STAT6: variants seen among roughly 807,000 people sequenced by gnomAD.
The protein encoded by STAT6 is STAT, interleukin4-induced.
STAT6 carries 45 observed loss-of-function variants against 106.3 expected under a neutral mutation model. The observed-to-expected ratio is 0.42, with a 90% CI of 0.33 to 0.54. The LOEUF (loss-of-function observed/expected upper bound fraction) is 0.54, where lower values mean the gene tolerates loss of function less well. STAT6 is among the 20% of genes least tolerant of loss of function. The pLI is 0.06. For synonymous variants in STAT6, 413 were observed against 413.6 expected, an observed-to-expected ratio of 1.00 and a Z score of 0.02; for missense variants, 797 against 1,062.2, an observed-to-expected ratio of 0.75 and a Z score of 3.47.
chr12:57,097,972 G>T (rs1040340187), intron 19 of STAT6, among the ~76,000 whole-genome samples: 2 of 152,078 alleles, frequency 1.3e-5, no homozygotes, highest in Admixed American at 6.6e-5. Context: ...ATACTATTCA[G>T]AACAGTATCA....
At chr12:57,106,895 C>T (rs2034316537) in intron 4 of STAT6, 64 bp from the exon 5 acceptor site, 2 of 1,600,080 alleles carry the variant, frequency 1.2e-6, no homozygotes, top group Non-Finnish European at 1.7e-6. Flanking sequence ...ACCTGGCCTC[C>T]ACTCTCTGCT....
chr12:57,105,931 C>T (rs2034245613), intron 7 of STAT6: 1 of 648,360 alleles, frequency 1.5e-6, no homozygotes. Context: ...TGGAAAAGCC[C>T]TCCTATTCCT....
rs2033993185 is a variant in STAT6, at chr12:57,102,493, G to A, written c.1309C>T (p.Arg437Cys). ...CGCTCAGCCACCACAAAGGGCACGC[G>A]GTCCTGGGGAGAAGGGGGAAGAAGA... ...LWDNAFSEMD[R>C]VPFVVAERVP... Residue 437 changes from arginine (R) to cysteine (C), a missense_variant, in exon 13 of 22, where the codon CGC becomes TGC. Arg to Cys is a radical substitution (Grantham distance 180, BLOSUM62 -3). Coordinates refer to ENST00000300134, the MANE Select transcript of STAT6 (RefSeq NM_003153.5). The A allele has an allele frequency of 1.2e-6, 2 of 1,613,322 alleles. No individual in the cohort carries two copies. The highest frequency in any genetic ancestry group is 1.1e-5 in the South Asian group (1 of 91,026).
chr12:57,105,294 C>T lies in STAT6; in HGVS notation c.858G>A (p.Gln286=). 1.2e-6 allele frequency: 2 copies of T among 1,614,176 alleles called. No individual in the cohort carries two copies. Among genetic ancestry groups the T allele is most frequent in the South Asian group, 1.1e-5 (1 of 91,090 alleles). The change falls in exon 9 of 22, where the codon CAG becomes CAA. Residue 286 remains glutamine, a synonymous_variant. Transcript: ENST00000300134. ...ATCGAACTCCAGCCTGGAACTTGGTCTGAGTCTTCAGTACCTGGGGGGGCT... is the reference window on the plus strand; with the variant it reads ...ATCGAACTCCAGCCTGGAACTTGGTTTGAGTCTTCAGTACCTGGGGGGGCT... ...EKQPPQVLKT[Q]TKFQAGVRFL...
chr12:57,100,102 G>A lies in STAT6; in HGVS notation c.1513-12C>T. 3 of 1,583,812 alleles carry A rather than the reference G, an allele frequency of 1.9e-6. No individual in the cohort carries two copies. Among genetic ancestry groups the A allele is most frequent in the African/African-American group, 1.3e-5 (1 of 74,104 alleles). ...CCCAGCAGGATCTCCTAGGGGGAGA[G>A]GGGGAAAGGTGTGAGCCGAGGGAGG... On this transcript the variant is annotated splice_polypyrimidine_tract_variant and intron_variant, in intron 13 of 21. Coordinates refer to ENST00000300134, the MANE Select transcript of STAT6 (RefSeq NM_003153.5).
chr12:57,107,520 C>T lies in STAT6; in HGVS notation c.255+85G>A, dbSNP rs568664577. ...AGGAACACCAATTTGCTTCCAGCAT[C>T]CAACCAATTTTCTTCCAGGGCCCAA... On this transcript the variant is annotated intron_variant, in intron 3 of 21. Transcript: ENST00000300134. 1.8e-5 allele frequency: 27 copies of T among 1,526,584 alleles called. No individual in the cohort carries two copies. The East Asian group carries it at 6.1e-4, about 35-fold the overall frequency. The allele number at this position is 1,526,584 out of a possible 1,614,324, so 94.6% of individuals were successfully genotyped here.
At chr12:57,107,580 C>T in intron 3 of STAT6, 25 bp downstream of exon 3, 1 of 1,611,934 alleles carries the variant, frequency 6.2e-7, no homozygotes, top group Non-Finnish European at 8.5e-7. Context: ...CCCACCCAGC[C>T]TTGTCCCCTC....
intron 11 of STAT6, 166 bp downstream of exon 11, chr12:57,104,298 A>T: frequency 2.1e-6 from 2 of 951,574 alleles, no homozygotes; most frequent in Non-Finnish European, 1.5e-6. Flanking sequence ...TGCCCTGTGC[A>T]CTCCATGCTC....
At chr12:57,101,080 T>C (rs1485735024) in intron 13 of STAT6, among the ~76,000 whole-genome samples, 1 of 150,294 alleles carries the variant, frequency 6.7e-6, no homozygotes, top group Non-Finnish European at 1.5e-5. Flanking sequence ...GAATTCTTTT[T>C]CTTTCTTTCT....
In STAT6 at chr12:57,105,211, T is replaced by A. The variant is rs761023624; in HGVS notation, c.941A>T (p.Asp314Val). The A allele has an allele frequency of 6.2e-7, 1 of 1,614,022 alleles. No homozygotes were observed. Among genetic ancestry groups the A allele is most frequent in the Non-Finnish European group, 8.5e-7 (1 of 1,179,966 alleles). The change falls in exon 9 of 22, where the codon GAC (aspartate) becomes GTC (valine). Residue 314 changes from aspartate to valine, a missense_variant. Transcript: ENST00000300134. The stretch of plus-strand genomic sequence containing the variant: ...CCGCGCCTGCTTCTCTGTCACCATG[T>A]CGGCCCTGACCAGCGGAGGCTTGGC... ...APAKPPLVRA[D>V]MVTEKQAREL... is the part of the protein sequence containing the mutation.
chr12:57,104,988 C>T (rs1197748812), intron 9 of STAT6, among the ~76,000 whole-genome samples, 163 bp downstream of exon 9: 1 of 152,072 alleles, frequency 6.6e-6, no homozygotes, highest in East Asian at 1.9e-4. Flanking sequence ...CACCCCATTC[C>T]AGCCCTAAAT....
At chr12:57,108,029 C>T (rs2034380333) in intron 2 of STAT6, 134 bp downstream of exon 2, 2 of 685,568 alleles carry the variant, frequency 2.9e-6, no homozygotes, top group East Asian at 5.4e-5. Context: ...AGACTCCCTG[C>T]TAAATCTAGG....
At chr12:57,106,974 G>C (rs1180487927) in intron 4 of STAT6, 143 bp from the exon 5 acceptor site, 22 of 1,350,718 alleles carry the variant, frequency 1.6e-5, no homozygotes, top group Non-Finnish European at 1.7e-5. Flanking sequence ...GAATATCGTG[G>C]AGATAAGACC....
intron 7 of STAT6, 38 bp downstream of exon 7, chr12:57,106,153 C>T (rs2034261760): frequency 1.2e-6 from 2 of 1,611,358 alleles, no homozygotes; most frequent in Non-Finnish European, 1.7e-6. Context: ...CTGCCCACCC[C>T]CAGCTTGCCC....
rs2033977571 is a variant in STAT6, at chr12:57,102,275, G to A, written c.1512+15C>T. On this transcript the variant is annotated intron_variant, in intron 13 of 21. Transcript: ENST00000300134. ...AGAGCTTGGGGGTGGGAGGTCCAAA[G>A]GGCAGGAGAATGACCTTGTTGAACT... is the stretch of plus-strand genomic sequence containing the variant. 1.9e-6 allele frequency: 3 copies of A among 1,613,722 alleles called. No homozygotes were observed. The highest frequency in any genetic ancestry group is 2.2e-5 in the South Asian group (2 of 91,068).
rs2033413649 is a variant in STAT6 at position 57,096,247 on chromosome 12, C to T, written c.*325G>A. 1 of 278,576 alleles carries T rather than the reference C, an allele frequency of 3.6e-6. No individual in the cohort carries two copies. The highest frequency in any genetic ancestry group is 7.8e-5 in the South Asian group (1 of 12,764). The allele number at this position is 278,576 out of a possible 1,614,324, so 17.3% of individuals were successfully genotyped here. On this transcript the variant is annotated 3_prime_UTR_variant, in exon 22 of 22. Transcript: ENST00000300134. Reference sequence around the variant, plus strand: ...ACCCAGCCCCCCTCCTGCTCAGCCCCATCACCCTCAGAGAGCTCTGTATGT... The same window carrying T: ...ACCCAGCCCCCCTCCTGCTCAGCCCTATCACCCTCAGAGAGCTCTGTATGT...
At position 57,097,790 on chromosome 12, in the gene STAT6, C is replaced by T. The variant is rs578160783; in HGVS notation, c.2160-657G>A. 1.1e-4 allele frequency among the ~76,000 whole-genome samples: 17 copies of T among 152,140 alleles called. No individual in the cohort carries two copies. In the East Asian group the frequency reaches 2.7e-3, roughly 24 times the overall value. ...TCTTAAAAAAGAATTAGCCGAGTGT[C>T]GTGGTGCACTACAGCAGGAGGATTG... is the stretch of plus-strand genomic sequence containing the variant. On this transcript the variant is annotated intron_variant, in intron 19 of 21. Coordinates refer to ENST00000300134, the MANE Select transcript of STAT6 (RefSeq NM_003153.5).
In STAT6 at chr12:57,104,684, C is replaced by A. The variant is rs781535542; in HGVS notation, c.1089+42G>T. On this transcript the variant is annotated intron_variant, in intron 10 of 21. Transcript: ENST00000300134. ...TCCTCTCCAAGGAGAGTCCCACAGT[C>A]TCCTAGTGGTGCCCCCCTCACTGCA... 6.2e-6 allele frequency: 10 copies of A among 1,613,968 alleles called. No homozygotes were observed. In the South Asian group the frequency reaches 1.1e-4, roughly 18 times the overall value.
At chr12:57,097,501 T>C (rs1002430447) in intron 19 of STAT6, among the ~76,000 whole-genome samples, 9 of 152,164 alleles carry the variant, frequency 5.9e-5, no homozygotes, top group South Asian at 2.1e-4. Context: ...CCAAAACAGA[T>C]GAGTAAACAA....
Sources: gnomAD v4.1 joint callset for allele counts (sites outside exome capture counted in the v4.1 genomes callset) on GRCh38, gnomAD v4.1.1 for gene constraint, MANE v1.5 for transcripts, NCBI Gene and HGNC (gene_info 2026-07-23, HGNC 2026-07-21) for gene names.